The following CAMTA1 variants were observed in gnomAD, a reference collection of about 807,000 sequenced individuals.
CAMTA1 encodes the protein calmodulin binding transcription activator 1, also known as calmodulin-binding transcription activator 1.
Under a neutral mutation model 170.9 loss-of-function variants are expected in CAMTA1, and 27 were observed. The observed-to-expected ratio is 0.16, with a 90% CI of 0.12 to 0.22. The LOEUF is 0.22. CAMTA1 is among the 10% of genes least tolerant of loss of function. The pLI is 1.00. For synonymous variants in CAMTA1, 833 were observed against 891.5 expected (o/e 0.93, Z 1.17); for missense variants, 1,619 against 2,217.2 (o/e 0.73, Z 5.42).
intron 3 of CAMTA1, among the ~76,000 whole-genome samples, chr1:6,923,894 A>G (rs1378576084): frequency 6.6e-6 from 1 of 152,204 alleles, no homozygotes; most frequent in Non-Finnish European, 1.5e-5. Context: ...GTTTTCTATC[A>G]CAGCTCTTGG....
Position 7,015,392 on chromosome 1 carries a change from C to A in CAMTA1, c.235-75912C>A, listed in dbSNP as rs544948407. On this transcript the variant is annotated intron_variant, in intron 3 of 22. Coordinates refer to ENST00000303635, the MANE Select transcript of CAMTA1 (RefSeq NM_015215.4). ...ATTTTCTGGAATGTTCTGCTCTTCCCCCTGTCCAGGTCCTGTGTGTCTTCA... is the reference window on the plus strand; with the variant it reads ...ATTTTCTGGAATGTTCTGCTCTTCCACCTGTCCAGGTCCTGTGTGTCTTCA... Among the ~76,000 whole-genome samples the A allele has an allele frequency of 3.9e-5, 6 of 152,318 alleles. No homozygotes were observed. The South Asian group carries it at 1.2e-3, about 32-fold the overall frequency.
At chr1:7,016,592 G>C (rs893013164) in intron 3 of CAMTA1, among the ~76,000 whole-genome samples, 18 of 152,226 alleles carry the variant, frequency 1.2e-4, no homozygotes, top group African/African-American at 4.3e-4. Context: ...CCAGCACTTG[G>C]GGAAGCCAAG....
At chr1:6,931,599 C>G (rs997296879) in intron 3 of CAMTA1, among the ~76,000 whole-genome samples, 1 of 152,116 alleles carries the variant, frequency 6.6e-6, no homozygotes, top group Non-Finnish European at 1.5e-5. Context: ...AACTAACGAC[C>G]CTGTGATGTG....
intron 5 of CAMTA1, among the ~76,000 whole-genome samples, chr1:7,264,522 G>A (rs61780041): frequency 0.042 from 6,132 of 145,756 alleles, 162 homozygotes; most frequent in East Asian, 0.12. Flanking sequence ...TAGAGCACTC[G>A]GTGATTCTGT....
rs191936398 is a variant in CAMTA1, at chr1:7,520,017, G to T, written c.510+52116G>T. ...CTTCTAAAACACATCACTCCATGTT[G>T]TTCCCCTACCCAAAAGTCTTCAGCA... On this transcript the variant is annotated intron_variant, in intron 6 of 22. Transcript: ENST00000303635. Among the ~76,000 whole-genome samples the T allele has an allele frequency of 1.3e-3, 194 of 150,446 alleles. 3 individuals are homozygous for T. Among genetic ancestry groups the T allele is most frequent in the African/African-American group, 4.3e-3 (174 of 40,440 alleles).
intron 5 of CAMTA1, among the ~76,000 whole-genome samples, chr1:7,276,560 C>A (rs537630574): frequency 6.6e-6 from 1 of 151,752 alleles, no homozygotes; most frequent in African/African-American, 2.4e-5. Flanking sequence ...CCGCTTGCCT[C>A]GGCCTCCCAA....
intron 1 of CAMTA1, among the ~76,000 whole-genome samples, chr1:6,809,269 C>T (rs1387063565): frequency 1.3e-5 from 2 of 152,044 alleles, no homozygotes; most frequent in Admixed American, 6.5e-5. Flanking sequence ...TCAGGTGATC[C>T]GCTCACCTTG....
chr1:7,190,891 G>T (rs1654394204), intron 4 of CAMTA1, among the ~76,000 whole-genome samples: 1 of 152,188 alleles, frequency 6.6e-6, no homozygotes, highest in South Asian at 2.1e-4. Context: ...GCTCAGAGAG[G>T]TGAAGTTACC....
chr1:7,537,171 G>A (rs1170228877), intron 6 of CAMTA1, among the ~76,000 whole-genome samples: 2 of 152,230 alleles, frequency 1.3e-5, no homozygotes, highest in Non-Finnish European at 2.9e-5. Context: ...GGCCTAAGCA[G>A]GAGGGACGCA....
At chr1:7,310,604 C>CTTTTCTTTTCT (rs200558324) in intron 5 of CAMTA1, among the ~76,000 whole-genome samples, 1 of 9,588 alleles carries the variant, frequency 1.0e-4, no homozygotes, top group African/African-American at 2.8e-4. Context: ...CTTTTCTTTT[C>CTTTTCTTTTCT]TTTCTTTCTT....
intron 6 of CAMTA1, among the ~76,000 whole-genome samples, chr1:7,511,628 G>T (rs1295397801): frequency 6.6e-6 from 1 of 152,118 alleles, no homozygotes; most frequent in African/African-American, 2.4e-5. Context: ...AAGCCATCTG[G>T]AGTTCTGGAG....
At chr1:6,924,809 C>T (rs1682769027) in intron 3 of CAMTA1, among the ~76,000 whole-genome samples, 1 of 152,216 alleles carries the variant, frequency 6.6e-6, no homozygotes, top group African/African-American at 2.4e-5. Flanking sequence ...GAATCTAGCA[C>T]TTCGGAATTG....
chr1:7,609,504 G>A lies in CAMTA1; in HGVS notation c.511-30896G>A, dbSNP rs1164635001. 6.6e-6 allele frequency among the ~76,000 whole-genome samples: 1 copy of A among 152,208 alleles called. No individual in the cohort carries two copies. Among genetic ancestry groups the A allele is most frequent in the Non-Finnish European group, 1.5e-5 (1 of 68,028 alleles). Reference sequence around the variant, plus strand: ...AGGCAAGCCCTGGCCCCAGCCTCCAGGCCCCCAGGGATGCTCAGGGCCTGC... The same window carrying A: ...AGGCAAGCCCTGGCCCCAGCCTCCAAGCCCCCAGGGATGCTCAGGGCCTGC... On this transcript the variant is annotated intron_variant, in intron 6 of 22. Transcript: ENST00000303635. The surrounding 1 kb of genome is among the most constrained non-coding windows in gnomAD (Gnocchi z 4.4).
At chr1:7,098,741 G>A (rs749406950) in intron 4 of CAMTA1, among the ~76,000 whole-genome samples, 46 of 152,300 alleles carry the variant, frequency 3.0e-4, no homozygotes, top group Non-Finnish European at 5.0e-4. Context: ...TGGCCGTGGC[G>A]GGGGCACTGA....
At chr1:7,052,322 C>T (rs189617559) in intron 3 of CAMTA1, among the ~76,000 whole-genome samples, 129 of 152,162 alleles carry the variant, frequency 8.5e-4, no homozygotes, top group South Asian at 2.5e-3. Flanking sequence ...CCTGGGCTTT[C>T]TCCCCTCTAA....
Position 7,249,701 on chromosome 1 carries a change from G to A in CAMTA1, c.438+75G>A. ...GCAGTGGAGAATGGAATTGCTTGGA[G>A]TAATTTGATGCGAGTCACCTCTGTC... On this transcript the variant is annotated intron_variant, in intron 5 of 22. Coordinates refer to ENST00000303635, the MANE Select transcript of CAMTA1 (RefSeq NM_015215.4). This position sits in a 1 kb window ranked among gnomAD's most constrained non-coding sequence, Gnocchi z 4.4. The A allele has an allele frequency of 6.6e-7, 1 of 1,523,418 alleles. No homozygotes were observed. Among genetic ancestry groups the A allele is most frequent in the Non-Finnish European group, 8.9e-7 (1 of 1,123,398 alleles). 94.4% of individuals were successfully genotyped at this position (1,523,418 alleles called of 1,614,324 possible).
rs760859863 is a variant in CAMTA1, at chr1:7,746,013, G to A, written c.4539G>A (p.Gln1513=). The A allele has an allele frequency of 1.9e-6, 3 of 1,614,082 alleles. No individual in the cohort carries two copies. The African/African-American group carries it at 4.0e-5, about 22-fold the overall frequency. The change falls in exon 18 of 23, where the codon CAG becomes CAA. Residue 1513 remains glutamine (Q), a synonymous_variant. Transcript: ENST00000303635. The part of the protein sequence containing the change: ...TSEKVENEFA[Q]LTLSDHEQRE... ...AGAAGGTAGAGAATGAGTTTGCTCA[G>A]CTCACTCTGTCTGATCATGAACAGA... is the stretch of plus-strand genomic sequence containing the variant.
intron 5 of CAMTA1, among the ~76,000 whole-genome samples, chr1:7,297,825 G>C (rs186311954): frequency 6.6e-6 from 1 of 152,308 alleles, no homozygotes; most frequent in Non-Finnish European, 1.5e-5. Context: ...TGAACTGCCT[G>C]TTGTACAATC....
chr1:6,877,107 G>A (rs997993942), intron 3 of CAMTA1, among the ~76,000 whole-genome samples: 1 of 152,180 alleles, frequency 6.6e-6, no homozygotes, highest in South Asian at 2.1e-4. Context: ...ATGGCGGAGA[G>A]CAGAGGCAAT....
Sources: allele counts gnomAD v4.1 joint callset (sites outside exome capture counted in the v4.1 genomes callset), GRCh38; gene constraint gnomAD v4.1.1; non-coding constraint Gnocchi (gnomAD v3.1); transcripts MANE v1.5; gene names NCBI Gene and HGNC (gene_info 2026-07-23, HGNC 2026-07-21).